PAH: variants seen among roughly 807,000 people sequenced by gnomAD.
The protein encoded by PAH is phenylalanine hydroxylase.
In PAH, 64 loss-of-function variants were observed where a neutral mutation model predicts 62.0. The ratio of observed to expected loss-of-function variants is 1.03; its 90% CI spans 0.84 to 1.27. The LOEUF is 1.27. Among genes scored for constraint, PAH ranks in the 50% most tolerant of loss-of-function variants. PAH has a pLI of 0.00. For synonymous variants in PAH, 195 were observed against 196.2 expected (o/e 0.99, Z 0.05); for missense variants, 579 against 542.8 (o/e 1.07, Z -0.66).
In PAH at chr12:102,897,461, GTGTGTATATATA is replaced by G. The variant is rs1178953080; in HGVS notation, c.169-2555_169-2544del. On this transcript the variant is annotated intron_variant, in intron 2 of 12. Transcript: ENST00000553106. ...TTAACTCTCATATATATGTGTGTGT[GTGTGTATATATA>G]TATATATATATATATATATAATTCA... is the stretch of plus-strand genomic sequence containing the variant. Among the ~76,000 whole-genome samples the G allele has an allele frequency of 7.8e-3, 1,005 of 129,626 alleles. 5 individuals carry two copies. The highest frequency in any genetic ancestry group is 0.011 in the Non-Finnish European group (696 of 65,768). 85.0% of individuals were successfully genotyped at this position (129,626 alleles called of 152,430 possible).
upstream of PAH, among the ~76,000 whole-genome samples, chr12:102,954,590 C>T (rs1455532808): frequency 5.3e-4 from 80 of 152,270 alleles, no homozygotes; most frequent in Non-Finnish European, 4.4e-5. Flanking sequence ...GTAAAGGGGC[C>T]TAGATACCAA....
intron 1 of PAH, among the ~76,000 whole-genome samples, chr12:102,932,108 ATC>A (rs1289302730): frequency 6.6e-6 from 1 of 152,120 alleles, no homozygotes; most frequent in Non-Finnish European, 1.5e-5. Context: ...CAGACTTATC[ATC>A]TGTGTTACCT....
chr12:102,849,887 A>G (rs746120567), intron 8 of PAH, among the ~76,000 whole-genome samples: 20 of 152,196 alleles, frequency 1.3e-4, no homozygotes, highest in South Asian at 2.1e-4. Context: ...AACTTTCAAC[A>G]TGACTTGCTG....
intron 1 of PAH, among the ~76,000 whole-genome samples, chr12:102,938,954 G>A (rs1565881749): frequency 6.6e-6 from 1 of 152,072 alleles, no homozygotes; most frequent in Non-Finnish European, 1.5e-5. Context: ...CAACTAACGG[G>A]CTCTCTGCCA....
upstream of PAH, among the ~76,000 whole-genome samples, chr12:102,918,715 C>T (rs9804735): frequency 3.1e-3 from 468 of 151,916 alleles, no homozygotes; most frequent in Non-Finnish European, 5.7e-3. Flanking sequence ...CAAAAGGAAC[C>T]TTTAGGGGCC....
At chr12:102,883,569 G>A (rs1346140927) in intron 3 of PAH, among the ~76,000 whole-genome samples, 2 of 152,216 alleles carry the variant, frequency 1.3e-5, no homozygotes, top group Non-Finnish European at 2.9e-5. Flanking sequence ...CCAAGACTCA[G>A]AGGATTCAAG....
At chr12:102,930,114 A>G (rs1357258) in intron 1 of PAH, among the ~76,000 whole-genome samples, 41,969 of 152,100 alleles carry the variant, frequency 0.28, 6,410 homozygotes, top group African/African-American at 0.42. Flanking sequence ...ACCCCATTTT[A>G]AAAATGAGAA....
intron 3 of PAH, among the ~76,000 whole-genome samples, chr12:102,894,447 A>AAGAAATAGCT (rs1211010868): frequency 1.3e-5 from 2 of 151,496 alleles, no homozygotes; most frequent in East Asian, 3.9e-4. Flanking sequence ...AAAAAGAAAA[A>AAGAAATAGCT]AGAAATAGCT....
intron 1 of PAH, chr12:102,945,045 G>A (rs1879439287): frequency 6.6e-6 from 1 of 152,262 alleles, no homozygotes; most frequent in African/African-American, 2.4e-5. Context: ...GGTGGTGTTG[G>A]ATAAGGTCCA....
chr12:102,914,171 T>C (rs1259433574), intron 1 of PAH, among the ~76,000 whole-genome samples: 1 of 152,188 alleles, frequency 6.6e-6, no homozygotes. Context: ...AAAAAACAAA[T>C]TTATCAGCAA....
At chr12:102,845,128 G>T (rs1419166393) in intron 9 of PAH, among the ~76,000 whole-genome samples, 2 of 152,186 alleles carry the variant, frequency 1.3e-5, no homozygotes, top group Middle Eastern at 3.2e-3. Context: ...AGAAGCCTGT[G>T]CAGGTTTGTT....
At chr12:102,915,391 A>G (rs1025109553) in intron 1 of PAH, among the ~76,000 whole-genome samples, 1 of 152,136 alleles carries the variant, frequency 6.6e-6, no homozygotes, top group Non-Finnish European at 1.5e-5. Flanking sequence ...AAAATAACTC[A>G]CCTGAGGCCA....
intron 2 of PAH, among the ~76,000 whole-genome samples, chr12:102,895,869 A>AAAAAATATATATAT (rs953209518): frequency 8.4e-6 from 1 of 118,744 alleles, no homozygotes; most frequent in African/African-American, 3.6e-5. Flanking sequence ...AAAAAAAAAA[A>AAAAAATATATATAT]ATATATATAT....
At chr12:102,883,604 C>G (rs1448039340) in intron 3 of PAH, among the ~76,000 whole-genome samples, 1 of 152,158 alleles carries the variant, frequency 6.6e-6, no homozygotes, top group Non-Finnish European at 1.5e-5. Context: ...AGACAAAGAT[C>G]AAAACAGCTC....
intron 3 of PAH, chr12:102,886,289 G>C (rs957626319): frequency 9.2e-5 from 14 of 152,120 alleles, no homozygotes; most frequent in African/African-American, 3.4e-4. Context: ...TGAATAAAAG[G>C]GATCTCACAC....
intron 8 of PAH, among the ~76,000 whole-genome samples, chr12:102,847,667 T>C (rs1874913606): frequency 6.6e-6 from 1 of 152,170 alleles, no homozygotes; most frequent in African/African-American, 2.4e-5. Flanking sequence ...TATAAGTTCT[T>C]TGGAAAGAAG....
chr12:102,939,203 A>T (rs61943184), intron 1 of PAH, among the ~76,000 whole-genome samples: 9,378 of 152,014 alleles, frequency 0.062, 341 homozygotes, highest in Admixed American at 0.1. Context: ...TGTCTCTCTC[A>T]AGTAGAGTTC....
At position 102,837,565 on chromosome 12, in the gene PAH, C is replaced by T. The variant is rs999314693; in HGVS notation, c.*1610G>A. ...AACTTCAAAACAATGAAACTTCAGA[C>T]ACATTCAGTAAATTCCTCTTTCCTC... On this transcript the variant is annotated 3_prime_UTR_variant, in exon 13 of 13. Transcript: ENST00000553106. The T allele has an allele frequency of 2.0e-5, 3 of 152,218 alleles. No homozygotes were observed. The highest frequency in any genetic ancestry group is 7.2e-5 in the African/African-American group (3 of 41,458). 9.4% of individuals were successfully genotyped at this position (152,218 alleles called of 1,614,324 possible). A position where few individuals can be genotyped will look rare whatever the true frequency, so the allele number is the denominator to read the frequency against.
upstream of PAH, chr12:102,958,382 A>G: frequency 6.8e-7 from 1 of 1,470,862 alleles, no homozygotes; most frequent in South Asian, 1.3e-5. Flanking sequence ...CCGCAGCGGC[A>G]GCGCAGAGCG....
Sources: allele counts gnomAD v4.1 joint callset (sites outside exome capture counted in the v4.1 genomes callset), GRCh38; gene constraint gnomAD v4.1.1; transcripts MANE v1.5; gene names NCBI Gene and HGNC (gene_info 2026-07-23, HGNC 2026-07-21).